QPRT: variants seen among roughly 807,000 people sequenced by gnomAD.
The protein encoded by QPRT is quinolinate phosphoribosyltransferase, also known as nicotinate-nucleotide pyrophosphorylase [carboxylating].
Under a neutral mutation model 19.8 loss-of-function variants are expected in QPRT, and 17 were observed. That is an observed-to-expected ratio of 0.86 (90% CI 0.59 to 1.29). The LOEUF (loss-of-function observed/expected upper bound fraction) is 1.29. QPRT is among the 50% of genes most tolerant of loss of function. The pLI, the probability that QPRT is intolerant of heterozygous loss-of-function variation, is 0.00. For synonymous variants in QPRT, 178 were observed against 191.0 expected (o/e 0.93, Z 0.56); for missense variants, 336 against 405.1 (o/e 0.83, Z 1.46).
At chr16:29,687,273 C>T (rs1490517069) in intron 1 of QPRT, among the ~76,000 whole-genome samples, 4 of 152,212 alleles carry the variant, frequency 2.6e-5, no homozygotes, top group Non-Finnish European at 5.9e-5. Flanking sequence ...TCTGCTATAT[C>T]CAAGTGCTTC....
At chr16:29,683,786 G>C (rs1967082778) in intron 1 of QPRT, among the ~76,000 whole-genome samples, 1 of 152,232 alleles carries the variant, frequency 6.6e-6, no homozygotes, top group Admixed American at 6.6e-5. Flanking sequence ...ATGGGCCTGA[G>C]CATCTGAAAG....
intron 1 of QPRT, among the ~76,000 whole-genome samples, chr16:29,690,925 G>A (rs1023660038): frequency 1.9e-4 from 29 of 151,936 alleles, no homozygotes; most frequent in African/African-American, 5.1e-4. Flanking sequence ...TCCTGACCTC[G>A]TGATCTGCCC....
chr16:29,693,700 C>A (rs1161991569), intron 1 of QPRT, among the ~76,000 whole-genome samples: 46 of 152,196 alleles, frequency 3.0e-4, no homozygotes, highest in Non-Finnish European at 1.5e-5. Flanking sequence ...AATTCTCTTG[C>A]CTCAGCCTCC....
In QPRT at chr16:29,692,750, C is replaced by CA. The variant is rs544108657; in HGVS notation, c.14-1907dup. ...GTGGCGACAGAGCGAGACTCCGTCT[C>CA]AAAAAAACAAATAAATAAATAAATC... On this transcript the variant is annotated intron_variant, in intron 1 of 3. Transcript: ENST00000395384. Among the ~76,000 whole-genome samples the CA allele has an allele frequency of 3.9e-4, 59 of 151,754 alleles. 1 individual carries two copies. The East Asian group carries it at 0.011, about 29-fold the overall frequency.
intron 2 of QPRT, 61 bp downstream of exon 2, chr16:29,695,260 C>T: frequency 4.1e-6 from 6 of 1,457,926 alleles, no homozygotes; most frequent in Non-Finnish European, 5.4e-6. Flanking sequence ...CCCTCCCCTC[C>T]CCTCTCCAGA....
intron 1 of QPRT, among the ~76,000 whole-genome samples, chr16:29,691,690 G>A (rs1359975799): frequency 6.6e-6 from 1 of 152,174 alleles, no homozygotes; most frequent in Non-Finnish European, 1.5e-5. Context: ...TGGGGGATTA[G>A]GCTCTCCTCC....
chr16:29,694,329 C>T (rs1967445861), intron 1 of QPRT, among the ~76,000 whole-genome samples: 1 of 151,558 alleles, frequency 6.6e-6, no homozygotes, highest in African/African-American at 2.4e-5. Flanking sequence ...CCATATTAGC[C>T]AGAATGGTCT....
At chr16:29,692,526 A>G (rs1276102172) in intron 1 of QPRT, among the ~76,000 whole-genome samples, 2 of 151,270 alleles carry the variant, frequency 1.3e-5, no homozygotes, top group East Asian at 3.9e-4. Context: ...GCTTGCCGTG[A>G]GCCGAGATCG....
At chr16:29,690,892 T>C (rs1967306818) in intron 1 of QPRT, among the ~76,000 whole-genome samples, 1 of 152,008 alleles carries the variant, frequency 6.6e-6, no homozygotes, top group Admixed American at 6.6e-5. Flanking sequence ...GATTTCACCA[T>C]GTTGGAGAGG....
intron 1 of QPRT, among the ~76,000 whole-genome samples, chr16:29,683,501 G>T (rs35999130): frequency 6.6e-6 from 1 of 151,796 alleles, no homozygotes; most frequent in Non-Finnish European, 1.5e-5. Flanking sequence ...GACTACAGGC[G>T]TGTGTCACCA....
chr16:29,679,174 C>G (rs781226252), upstream of QPRT: 1 of 1,613,820 alleles, frequency 6.2e-7, no homozygotes, highest in Non-Finnish European at 8.5e-7. Context: ...GCCAACACAC[C>G]AGCCCAGACA....
chr16:29,691,705 C>G (rs960215351), intron 1 of QPRT, among the ~76,000 whole-genome samples: 2 of 152,096 alleles, frequency 1.3e-5, no homozygotes, highest in Non-Finnish European at 1.5e-5. Context: ...TCCTCCCTGC[C>G]GTTTGCTCCC....
rs571098368 is a variant in QPRT at position 29,680,178 on chromosome 16, C to T, written c.13+968C>T. On this transcript the variant is annotated intron_variant, in intron 1 of 3. Transcript: ENST00000395384. The stretch of plus-strand genomic sequence containing the variant: ...TTCACCATGTTAGCCAGGATGGTCT[C>T]ATTTCCCAACCTCGTGATCCGCCCG... Among the ~76,000 whole-genome samples the T allele has an allele frequency of 6.6e-5, 10 of 152,116 alleles. No individual in the cohort carries two copies. In the South Asian group the frequency reaches 2.1e-3, roughly 32 times the overall value.
intron 1 of QPRT, among the ~76,000 whole-genome samples, chr16:29,682,154 G>A (rs1391609910): frequency 6.6e-6 from 1 of 151,680 alleles, no homozygotes; most frequent in Non-Finnish European, 1.5e-5. Flanking sequence ...CTCAGCCTGT[G>A]GAGTAGCTGG....
At chr16:29,685,869 ATT>A (rs145861358) in intron 1 of QPRT, among the ~76,000 whole-genome samples, 1 of 151,504 alleles carries the variant, frequency 6.6e-6, no homozygotes, top group African/African-American at 2.4e-5. Context: ...TGAAAAGAAA[ATT>A]TTTTTTGAGA....
At chr16:29,691,803 G>T (rs942144163) in intron 1 of QPRT, among the ~76,000 whole-genome samples, 3 of 152,198 alleles carry the variant, frequency 2.0e-5, no homozygotes, top group African/African-American at 7.2e-5. Flanking sequence ...GGAGCCATCT[G>T]GGGCAGATGT....
Position 29,695,185 on chromosome 16 carries a change from G to C in QPRT, c.535G>C (p.Gly179Arg). ...MVKDNHVVAAGGVEKAVRAAR... is the reference protein window; with the variant it reads ...MVKDNHVVAARGVEKAVRAAR... ...GAAGGATAACCATGTGGTGGCCGCC[G>C]GTGGCGTGGAGAAGGTGCTGGTCCT... The change falls in exon 2 of 4, where the codon GGT becomes CGT. Residue 179 changes from glycine (G) to arginine (R), a missense_variant. Coordinates refer to ENST00000395384, the MANE Select transcript of QPRT (RefSeq NM_014298.6). 1 of 1,550,160 alleles carries C rather than the reference G, an allele frequency of 6.5e-7. No homozygotes were observed.
intron 1 of QPRT, among the ~76,000 whole-genome samples, chr16:29,679,495 C>T (rs1344681807): frequency 6.6e-6 from 1 of 152,028 alleles, no homozygotes; most frequent in Non-Finnish European, 1.5e-5. Context: ...GGTGGCGTCT[C>T]CTGGGGGCAG....
Position 29,697,322 on chromosome 16 carries a change from A to C in QPRT, c.805A>C (p.Met269Leu), listed in dbSNP as rs748865404. 1 of 1,614,120 alleles carries C rather than the reference A, an allele frequency of 6.2e-7. No homozygotes were observed. The highest frequency in any genetic ancestry group is 1.6e-4 in the Middle Eastern group (1 of 6,062). Reference protein sequence around the residue: ...FCGPHIDVISMGMLTQAAPAL... With the variant: ...FCGPHIDVISLGMLTQAAPAL... Reference sequence around the variant, plus strand: ...CGGGCCGCACATAGACGTCATCTCCATGGGGATGCTGACCCAGGCGGCCCC... The same window carrying C: ...CGGGCCGCACATAGACGTCATCTCCCTGGGGATGCTGACCCAGGCGGCCCC... Residue 269 changes from methionine to leucine, a missense_variant, in exon 4 of 4, where the codon ATG becomes CTG. Physicochemically the swap from Met to Leu is conservative, Grantham distance 15. Transcript: ENST00000395384. The surrounding 1 kb of genome is among the most constrained non-coding windows in gnomAD (Gnocchi z 4.4).
Sources: allele counts gnomAD v4.1 joint callset (sites outside exome capture counted in the v4.1 genomes callset), GRCh38; gene constraint gnomAD v4.1.1; non-coding constraint Gnocchi (gnomAD v3.1); transcripts MANE v1.5; gene names NCBI Gene and HGNC (gene_info 2026-07-23, HGNC 2026-07-21).